Variants in DLG3 observed in about 807,000 individuals in gnomAD.
DLG3 encodes discs large MAGUK scaffold protein 3.
In DLG3, 1 loss-of-function variant was observed where a neutral mutation model predicts 64.1. That is an observed-to-expected ratio of 0.02 (90% CI 0.01 to 0.07). The LOEUF (loss-of-function observed/expected upper bound fraction) is 0.07. DLG3 is among the 10% of genes least tolerant of loss of function. The pLI, the probability that DLG3 is intolerant of heterozygous loss-of-function variation, is 1.00. For missense variants in DLG3, 429 were observed against 669.5 expected, an observed-to-expected ratio of 0.64 and a Z score of 3.96; for synonymous variants, 245 against 259.8, an observed-to-expected ratio of 0.94 and a Z score of 0.55.
chrX:70,452,179 A>G (rs1602872249), intron 7 of DLG3, 153 bp downstream of exon 7: 1 of 1,078,276 alleles, frequency 9.3e-7, no homozygotes, highest in African/African-American at 1.9e-5. Flanking sequence ...GCCCTCTCTC[A>G]GGCCTTGGGG....
In DLG3 at chrX:70,480,885, G is replaced by A. The variant is rs148533761; in HGVS notation, c.1520+1621G>A. Among the ~76,000 whole-genome samples the A allele has an allele frequency of 6.6e-3, 745 of 112,110 alleles. 9 individuals are homozygous for A. Among genetic ancestry groups the A allele is most frequent in the African/African-American group, 0.023 (702 of 30,901 alleles). On this transcript the variant is annotated intron_variant, in intron 10 of 18. Transcript: ENST00000374360. ...CAGGGGGAGTGGGACATTGGCTCCCGATATGGAGCACTCTTCCCTGGCTCA... is the reference window on the plus strand; with the variant it reads ...CAGGGGGAGTGGGACATTGGCTCCCAATATGGAGCACTCTTCCCTGGCTCA...
intron 12 of DLG3, chrX:70,493,341 C>G: frequency 3.8e-6 from 4 of 1,057,199 alleles, no homozygotes; most frequent in Non-Finnish European, 5.2e-6. Context: ...TTTTTTTCTT[C>G]TGTCCTTCCC....
rs200729766 is a variant in DLG3, at chrX:70,482,660, G to GTTTTTTTTTTT, written c.1520+3397_1520+3398insTTTTTTTTTTT. On this transcript the variant is annotated intron_variant, in intron 10 of 18. Transcript: ENST00000374360. ...TCAGGTTTGGGAAAATACATGTGTG[G>GTTTTTTTTTTT]TGTTTTTTTTTTTTTTTTTTTTTTT... Among the ~76,000 whole-genome samples, 64 of 69,205 alleles carry GTTTTTTTTTTT rather than the reference G, an allele frequency of 9.2e-4. 1 individual carries two copies. Among genetic ancestry groups the GTTTTTTTTTTT allele is most frequent in the Admixed American group, 1.8e-3 (10 of 5,456 alleles). The allele number at this position is 69,205 out of a possible 115,157, so 60.1% of individuals were successfully genotyped here.
Position 70,445,195 on chromosome X carries a change from C to T in DLG3, c.-7C>T, listed in dbSNP as rs1436803643. On this transcript the variant is annotated 5_prime_UTR_variant, in exon 1 of 19. Coordinates refer to ENST00000374360, the MANE Select transcript of DLG3 (RefSeq NM_021120.4). ...GCTGGGGGGTCCGAGCCGCGGGGGG[C>T]AGTGCCATGCACAAGCACCAGCACT... The T allele has an allele frequency of 3.5e-6, 4 of 1,146,024 alleles. No individual in the cohort carries two copies. In the East Asian group the frequency reaches 9.7e-5, roughly 28 times the overall value. 94.4% of individuals were successfully genotyped at this position (1,146,024 alleles called of 1,213,427 possible). A position where few individuals can be genotyped will look rare whatever the true frequency, so the allele number is the denominator to read the frequency against.
chrX:70,491,133 G>T (rs2087351358), intron 10 of DLG3, among the ~76,000 whole-genome samples: 1 of 110,936 alleles, frequency 9.0e-6, no homozygotes, highest in Non-Finnish European at 1.9e-5. Flanking sequence ...GGCTGCTCTT[G>T]AACTCCTGAC....
At chrX:70,489,654 T>C (rs756741344) in intron 10 of DLG3, among the ~76,000 whole-genome samples, 1 of 111,638 alleles carries the variant, frequency 9.0e-6, no homozygotes, top group Non-Finnish European at 1.9e-5. Flanking sequence ...TTTAAAAAAT[T>C]ACAAACAGTT....
chrX:70,493,611 A>C (rs1258938743), intron 12 of DLG3: 1 of 541,499 alleles, frequency 1.8e-6, no homozygotes, highest in African/African-American at 2.3e-5. Flanking sequence ...GCACCTGCTT[A>C]TCTACAGAGT....
In DLG3 at chrX:70,448,945, G is replaced by C. The variant is rs182297323; in HGVS notation, c.390G>C (p.Glu130Asp). 22 of 1,207,153 alleles carry C rather than the reference G, an allele frequency of 1.8e-5. No individual in the cohort carries two copies. Among genetic ancestry groups the C allele is most frequent in the Non-Finnish European group, 2.5e-5 (22 of 894,297 alleles). Reference protein sequence around the residue: ...VNGSDGMFKYEEIVLERGNSG... With the variant: ...VNGSDGMFKYDEIVLERGNSG... ...GCAGTGATGGCATGTTCAAATATGA[G>C]GAAATCGTACTTGAGAGGGTGAGTC... is the stretch of plus-strand genomic sequence containing the variant. Residue 130 changes from glutamate (E) to aspartate (D), a missense_variant, in exon 2 of 19, where the codon GAG becomes GAC. Glu to Asp is a conservative substitution (Grantham distance 45). Coordinates refer to ENST00000374360, the MANE Select transcript of DLG3 (RefSeq NM_021120.4).
At chrX:70,450,618 C>T in intron 5 of DLG3, 21 bp from the exon 6 acceptor site, 1 of 1,211,044 alleles carries the variant, frequency 8.3e-7, no homozygotes, top group Non-Finnish European at 1.1e-6. Flanking sequence ...AAGTCCCAGC[C>T]TGAGGCCTCT....
intron 13 of DLG3, 68 bp from the exon 14 acceptor site, chrX:70,498,452 G>T: frequency 2.8e-6 from 3 of 1,081,258 alleles, no homozygotes; most frequent in Non-Finnish European, 3.8e-6. Context: ...CAGGGGAGGG[G>T]TACGGGGAGT....
intron 10 of DLG3, among the ~76,000 whole-genome samples, chrX:70,483,690 A>G (rs1364919633): frequency 1.8e-5 from 2 of 112,661 alleles, no homozygotes; most frequent in African/African-American, 6.4e-5. Context: ...TACTAACCAC[A>G]GGGGACGTGG....
At chrX:70,484,331 T>A (rs912360451) in intron 10 of DLG3, among the ~76,000 whole-genome samples, 2 of 111,787 alleles carry the variant, frequency 1.8e-5, no homozygotes, top group Non-Finnish European at 3.8e-5. Flanking sequence ...AGAAACAATG[T>A]CAGACATATT....
rs184026647 is a variant in DLG3, at chrX:70,495,565, G to A, written c.1819+112G>A. ...GAAGGGTGAGGGGAGGGCAGTGTTTGTGAGCACTCTGACATCACAGCAGGA... is the reference window on the plus strand; with the variant it reads ...GAAGGGTGAGGGGAGGGCAGTGTTTATGAGCACTCTGACATCACAGCAGGA... On this transcript the variant is annotated intron_variant, in intron 13 of 18. Coordinates refer to ENST00000374360, the MANE Select transcript of DLG3 (RefSeq NM_021120.4). 65 of 721,926 alleles carry A rather than the reference G, an allele frequency of 9.0e-5. No homozygotes were observed. In the East Asian group the frequency reaches 1.8e-3, roughly 19 times the overall value. The allele number at this position is 721,926 out of a possible 1,213,427, so 59.5% of individuals were successfully genotyped here.
In DLG3 at chrX:70,500,599, ACT is replaced by A. The variant is rs746386610; in HGVS notation, c.2255+21_2255+22del. Reference sequence around the variant, plus strand: ...CCCTTATGTAAGTGTTGAACTGAGAACTCAGACACACCAAGCTAAGATCGGGT... The same window carrying A: ...CCCTTATGTAAGTGTTGAACTGAGAACAGACACACCAAGCTAAGATCGGGT... On this transcript the variant is annotated intron_variant, in intron 17 of 18. Transcript: ENST00000374360. 1.4e-4 allele frequency: 155 copies of A among 1,084,195 alleles called. No homozygotes were observed. Among genetic ancestry groups the A allele is most frequent in the Non-Finnish European group, 1.9e-4 (145 of 780,536 alleles). 89.3% of individuals were successfully genotyped at this position (1,084,195 alleles called of 1,213,427 possible).
chrX:70,498,731 T>G (rs1455664759), intron 14 of DLG3, among the ~76,000 whole-genome samples, 161 bp downstream of exon 14: 1 of 111,640 alleles, frequency 9.0e-6, no homozygotes, highest in Non-Finnish European at 1.9e-5. Context: ...TGCTTCTTCC[T>G]AGTGTCATAG....
intron 9 of DLG3, among the ~76,000 whole-genome samples, chrX:70,460,121 A>G (rs767174633): frequency 5.9e-4 from 65 of 109,797 alleles, no homozygotes; most frequent in Non-Finnish European, 1.1e-3. Context: ...CATCTCTACT[A>G]AAAATACAAA....
chrX:70,455,320 G>T, intron 9 of DLG3: 1 of 753,832 alleles, frequency 1.3e-6, no homozygotes, highest in Non-Finnish European at 1.6e-6. Flanking sequence ...ACCTCTCTAC[G>T]GCTCTGTTCT....
intron 9 of DLG3, among the ~76,000 whole-genome samples, chrX:70,463,852 A>G (rs942806126): frequency 7.2e-5 from 8 of 111,045 alleles, no homozygotes; most frequent in Non-Finnish European, 1.5e-4. Context: ...AATTCAATTT[A>G]CAATTTCCTA....
chrX:70,468,033 A>G (rs1418311513), intron 9 of DLG3, among the ~76,000 whole-genome samples: 1 of 111,826 alleles, frequency 8.9e-6, no homozygotes, highest in Non-Finnish European at 1.9e-5. Flanking sequence ...TTTTCATTCC[A>G]GTCATTTTAG....
Sources: gnomAD v4.1 joint callset for allele counts (sites outside exome capture counted in the v4.1 genomes callset) on GRCh38, gnomAD v4.1.1 for gene constraint, MANE v1.5 for transcripts, NCBI Gene and HGNC (gene_info 2026-07-23, HGNC 2026-07-21) for gene names.